The following RABGAP1L variants were observed in gnomAD, a reference collection of about 807,000 sequenced individuals.
The protein encoded by RABGAP1L is RAB GTPase activating protein 1 like.
RABGAP1L carries 63 observed loss-of-function variants against 137.7 expected under a neutral mutation model. That is an observed-to-expected ratio of 0.46 (90% CI 0.37 to 0.56). The LOEUF (loss-of-function observed/expected upper bound fraction) is 0.56. Ranked by LOEUF, RABGAP1L falls within the 20% of genes least tolerant of loss-of-function variation. RABGAP1L has a pLI of 0.00. For missense variants in RABGAP1L, 1,095 were observed against 1,244.0 expected, an observed-to-expected ratio of 0.88 and a Z score of 1.80; for synonymous variants, 431 against 433.7, an observed-to-expected ratio of 0.99 and a Z score of 0.08.
chr1:174,552,523 A>G (rs1666616572), intron 13 of RABGAP1L, among the ~76,000 whole-genome samples: 1 of 152,092 alleles, frequency 6.6e-6, no homozygotes, highest in African/African-American at 2.4e-5. Flanking sequence ...TTATGACTGT[A>G]TAGTATTCCA....
Position 174,266,253 on chromosome 1 carries a change from G to C in RABGAP1L, c.987-6161G>C, listed in dbSNP as rs117977366. Among the ~76,000 whole-genome samples, 135 of 152,280 alleles carry C rather than the reference G, an allele frequency of 8.9e-4. 2 individuals carry two copies. In the East Asian group the frequency reaches 0.025, roughly 28 times the overall value. On this transcript the variant is annotated intron_variant, in intron 7 of 25. Transcript: ENST00000681986. ...GTGGGGAGAAGATTAGCTAGTAACT[G>C]TAAAGTGTTCACAATAATGCTTAAT...
At chr1:174,752,198 T>C in intron 17 of RABGAP1L, 115 bp from the exon 18 acceptor site, 1 of 788,164 alleles carries the variant, frequency 1.3e-6, no homozygotes, top group Non-Finnish European at 2.0e-6. Flanking sequence ...TAATTATTGT[T>C]TGTGAAGATG....
intron 13 of RABGAP1L, among the ~76,000 whole-genome samples, chr1:174,411,250 G>A (rs1174167337): frequency 6.6e-6 from 1 of 151,926 alleles, no homozygotes; most frequent in Non-Finnish European, 1.5e-5. Flanking sequence ...GATTGCTCTG[G>A]GTAGGACTTC....
chr1:174,599,319 A>G (rs972010707), intron 13 of RABGAP1L, among the ~76,000 whole-genome samples: 2 of 152,150 alleles, frequency 1.3e-5, no homozygotes, highest in Non-Finnish European at 2.9e-5. Context: ...TGTTGTAGTT[A>G]TTTTTGATAG....
At chr1:174,266,523 C>G (rs535185204) in intron 7 of RABGAP1L, among the ~76,000 whole-genome samples, 1 of 152,278 alleles carries the variant, frequency 6.6e-6, no homozygotes, top group South Asian at 2.1e-4. Flanking sequence ...AGTTACAACA[C>G]TAGTCTCCCA....
intron 18 of RABGAP1L, among the ~76,000 whole-genome samples, chr1:174,810,961 G>C (rs540020739): frequency 6.6e-6 from 1 of 152,046 alleles, no homozygotes; most frequent in Admixed American, 6.5e-5. Flanking sequence ...AAGTAGCTGG[G>C]TGTGGTGGTG....
At chr1:174,917,618 T>C (rs1036930387) in intron 19 of RABGAP1L, among the ~76,000 whole-genome samples, 1 of 152,182 alleles carries the variant, frequency 6.6e-6, no homozygotes, top group African/African-American at 2.4e-5. Flanking sequence ...TACCTTGATA[T>C]AGTAATTCTT....
chr1:174,854,490 T>G (rs1648909765), intron 19 of RABGAP1L, among the ~76,000 whole-genome samples: 1 of 152,098 alleles, frequency 6.6e-6, no homozygotes, highest in Non-Finnish European at 1.5e-5. Flanking sequence ...AAGGGAATTA[T>G]GAGCAAGAAT....
intron 11 of RABGAP1L, chr1:174,367,437 C>T (rs1684743289): frequency 9.7e-6 from 2 of 207,082 alleles, no homozygotes; most frequent in South Asian, 1.8e-4. Context: ...AGCAGTTGTT[C>T]CGTGTTCAAC....
In RABGAP1L at chr1:174,400,199, A is replaced by G. The variant is rs140981917; in HGVS notation, c.1710+6054A>G. On this transcript the variant is annotated intron_variant, in intron 13 of 25. Transcript: ENST00000681986. Reference sequence around the variant, plus strand: ...TTATACTTTCTTTTGCCATGGGCGTATTACTCTATTACTTACTCTCTATCT... The same window carrying G: ...TTATACTTTCTTTTGCCATGGGCGTGTTACTCTATTACTTACTCTCTATCT... Among the ~76,000 whole-genome samples, 16 of 152,268 alleles carry G rather than the reference A, an allele frequency of 1.1e-4. No homozygotes were observed. In the East Asian group the frequency reaches 2.9e-3, roughly 28 times the overall value.
At chr1:174,828,770 C>T (rs1336247575) in intron 19 of RABGAP1L, among the ~76,000 whole-genome samples, 1 of 148,242 alleles carries the variant, frequency 6.7e-6, no homozygotes, top group Non-Finnish European at 1.5e-5. Context: ...GCTCTGGAAA[C>T]CTAGGCTGTT....
At chr1:174,651,487 A>T (rs915503688) in intron 14 of RABGAP1L, among the ~76,000 whole-genome samples, 2 of 152,094 alleles carry the variant, frequency 1.3e-5, no homozygotes, top group Non-Finnish European at 2.9e-5. Flanking sequence ...TTGGTAGGTC[A>T]CTCAGGACTT....
chr1:174,547,696 G>A (rs538770744), intron 13 of RABGAP1L: 1 of 681,248 alleles, frequency 1.5e-6, no homozygotes, highest in Non-Finnish European at 2.4e-6. Flanking sequence ...AAGTAATTCT[G>A]TGTTCTTTTA....
intron 19 of RABGAP1L, chr1:174,897,225 T>G (rs539239012): frequency 6.6e-6 from 1 of 152,314 alleles, no homozygotes; most frequent in East Asian, 1.9e-4. Flanking sequence ...CACTCATGAT[T>G]TGGCTCTCTG....
intron 13 of RABGAP1L, among the ~76,000 whole-genome samples, chr1:174,626,156 C>A (rs774934620): frequency 6.6e-6 from 1 of 152,166 alleles, no homozygotes; most frequent in African/African-American, 2.4e-5. Flanking sequence ...ACCCTGAGAA[C>A]GAAGGCATAT....
chr1:174,590,197 G>A (rs1055295493), intron 13 of RABGAP1L, among the ~76,000 whole-genome samples: 4 of 127,020 alleles, frequency 3.1e-5, no homozygotes, highest in African/African-American at 1.2e-4. Context: ...CATGTCTCAG[G>A]TGTTCCTTTA....
chr1:174,643,209 A>G (rs1214332045), intron 14 of RABGAP1L, among the ~76,000 whole-genome samples: 2 of 152,146 alleles, frequency 1.3e-5, no homozygotes, highest in African/African-American at 4.8e-5. Flanking sequence ...GTGTGATGAT[A>G]GGTGTTCCTG....
intron 13 of RABGAP1L, among the ~76,000 whole-genome samples, chr1:174,580,892 A>C (rs185476853): frequency 6.6e-6 from 1 of 152,336 alleles, no homozygotes; most frequent in Admixed American, 6.5e-5. Context: ...TATTTCTCCA[A>C]AGAAGACATA....
intron 13 of RABGAP1L, among the ~76,000 whole-genome samples, chr1:174,616,592 G>A (rs909569746): frequency 1.4e-4 from 21 of 152,206 alleles, no homozygotes; most frequent in African/African-American, 4.8e-4. Context: ...CAGAGTGAAA[G>A]CCTAGAGGAC....
Sources: gnomAD v4.1 joint callset for allele counts (sites outside exome capture counted in the v4.1 genomes callset) on GRCh38, gnomAD v4.1.1 for gene constraint, MANE v1.5 for transcripts, NCBI Gene and HGNC (gene_info 2026-07-23, HGNC 2026-07-21) for gene names.